The following HIPK3 variants were observed in gnomAD, a reference collection of about 807,000 sequenced individuals.
HIPK3 encodes the protein homeodomain interacting protein kinase 3, also known as homeodomain-interacting protein kinase 3.
HIPK3 carries 47 observed loss-of-function variants against 124.2 expected under a neutral mutation model. The observed-to-expected ratio is 0.38, with a 90% confidence interval of 0.30 to 0.48. The LOEUF (loss-of-function observed/expected upper bound fraction) is 0.48, where lower values mean the gene tolerates loss of function less well. Ranked by LOEUF, HIPK3 falls within the 20% of genes least tolerant of loss-of-function variation. HIPK3 has a pLI of 0.98. For missense variants in HIPK3, 1,286 were observed against 1,454.3 expected, an observed-to-expected ratio of 0.88 and a Z score of 1.88; for synonymous variants, 482 against 515.2, an observed-to-expected ratio of 0.94 and a Z score of 0.87.
chr11:33,342,285 C>T (rs1456054409), intron 8 of HIPK3, among the ~76,000 whole-genome samples: 1 of 152,012 alleles, frequency 6.6e-6, no homozygotes, highest in African/African-American at 2.4e-5. Context: ...ACTTGGGCTA[C>T]AGGTTGGCCT....
chr11:33,271,921 G>GA (rs949675670), intron 1 of HIPK3, among the ~76,000 whole-genome samples: 3 of 152,014 alleles, frequency 2.0e-5, no homozygotes, highest in Non-Finnish European at 4.4e-5. Context: ...CTAACATAAA[G>GA]AAAAAATCTG....
At chr11:33,264,951 A>T (rs966698149) in intron 1 of HIPK3, among the ~76,000 whole-genome samples, 9 of 152,218 alleles carry the variant, frequency 5.9e-5, no homozygotes, top group African/African-American at 2.2e-4. Context: ...AGAGTCTGGT[A>T]GGTTTGGTAA....
intron 2 of HIPK3, among the ~76,000 whole-genome samples, chr11:33,312,837 A>G (rs1281148273): frequency 9.9e-5 from 15 of 152,212 alleles, no homozygotes; most frequent in Non-Finnish European, 1.2e-4. Flanking sequence ...TATTGTCACA[A>G]TAATCTGGAA....
At chr11:33,345,643 CTA>C (rs1205831745) in intron 8 of HIPK3, among the ~76,000 whole-genome samples, 1 of 150,966 alleles carries the variant, frequency 6.6e-6, no homozygotes, top group Non-Finnish European at 1.5e-5. Flanking sequence ...AAGAGATTGT[CTA>C]TATATTGCAA....
At chr11:33,280,227 G>A (rs1412582860) in intron 1 of HIPK3, among the ~76,000 whole-genome samples, 1 of 152,076 alleles carries the variant, frequency 6.6e-6, no homozygotes, top group Non-Finnish European at 1.5e-5. Context: ...AATTGGCAGG[G>A]TCATGAATAA....
chr11:33,257,683 G>A lies in HIPK3; in HGVS notation c.-209G>A. 1 of 994,672 alleles carries A rather than the reference G, an allele frequency of 1.0e-6. No homozygotes were observed. The highest frequency in any genetic ancestry group is 1.2e-6 in the Non-Finnish European group (1 of 836,846). The allele number at this position is 994,672 out of a possible 1,614,324, so 61.6% of individuals were successfully genotyped here. On this transcript the variant is annotated 5_prime_UTR_variant, in exon 1 of 17. Coordinates refer to ENST00000303296, the MANE Select transcript of HIPK3 (RefSeq NM_005734.5). ...AGCAGCCAGAGCAGCAGCAGCAGCA[G>A]CAGCGGTCGGGGGAGGGTGTTTCGC...
At chr11:33,336,446 C>A (rs1358664713) in intron 3 of HIPK3, among the ~76,000 whole-genome samples, 1 of 152,130 alleles carries the variant, frequency 6.6e-6, no homozygotes, top group Non-Finnish European at 1.5e-5. Flanking sequence ...TGAATCCATT[C>A]CTTCCTCTCT....
intron 1 of HIPK3, among the ~76,000 whole-genome samples, chr11:33,268,685 CAG>C (rs1256211994): frequency 6.6e-6 from 1 of 150,794 alleles, no homozygotes; most frequent in African/African-American, 2.4e-5. Flanking sequence ...TAGCCTTGAA[CAG>C]AAAATTTTCG....
intron 3 of HIPK3, among the ~76,000 whole-genome samples, chr11:33,333,293 C>G (rs879757166): frequency 6.6e-6 from 1 of 152,168 alleles, no homozygotes; most frequent in Non-Finnish European, 1.5e-5. Flanking sequence ...TTCACTGGTA[C>G]TGGACCATCA....
chr11:33,282,152 GTCA>G (rs1851427862), intron 1 of HIPK3, among the ~76,000 whole-genome samples: 1 of 152,196 alleles, frequency 6.6e-6, no homozygotes, highest in African/African-American at 2.4e-5. Context: ...GGGAGGCCAA[GTCA>G]GGAGGAGGAT....
intron 14 of HIPK3, 130 bp from the exon 15 acceptor site, chr11:33,351,477 GA>G: frequency 7.7e-6 from 5 of 650,064 alleles, no homozygotes; most frequent in East Asian, 2.8e-5. Flanking sequence ...ATTGGACAAG[GA>G]AAAAGGTGTA....
At chr11:33,305,036 T>A (rs1337789185) in intron 2 of HIPK3, among the ~76,000 whole-genome samples, 1 of 152,258 alleles carries the variant, frequency 6.6e-6, no homozygotes, top group Non-Finnish European at 1.5e-5. Flanking sequence ...AGTCTTGCTC[T>A]GTCGCCCAGG....
chr11:33,324,644 GC>G (rs960071804), intron 2 of HIPK3, among the ~76,000 whole-genome samples: 1 of 152,124 alleles, frequency 6.6e-6, no homozygotes, highest in African/African-American at 2.4e-5. Context: ...CTTCCTTTGG[GC>G]CCCTTCCCAC....
At chr11:33,315,666 A>C (rs1852480370) in intron 2 of HIPK3, among the ~76,000 whole-genome samples, 1 of 152,082 alleles carries the variant, frequency 6.6e-6, no homozygotes, top group Non-Finnish European at 1.5e-5. Flanking sequence ...CCTGGCCCTG[A>C]CTCCTATTTT....
chr11:33,348,091 C>T (rs1380045886), intron 11 of HIPK3, 75 bp from the exon 12 acceptor site: 1 of 1,602,228 alleles, frequency 6.2e-7, no homozygotes, highest in Admixed American at 1.7e-5. Flanking sequence ...TAAAGGGTCA[C>T]TCTGTTGTAT....
rs555442988 is a variant in HIPK3 at position 33,294,651 on chromosome 11, CTGGAGTGCAA to C, written c.1097+7144_1097+7153del. On this transcript the variant is annotated intron_variant, in intron 2 of 16. Transcript: ENST00000303296. ...ACAAGGTCTTGCTTTGTGGCCCAGG[CTGGAGTGCAA>C]TGGTGCAGTCATAGCTCACTGCAGT... Among the ~76,000 whole-genome samples, 128 of 152,102 alleles carry C rather than the reference CTGGAGTGCAA, an allele frequency of 8.4e-4. 1 individual carries two copies. Among genetic ancestry groups the C allele is most frequent in the Non-Finnish European group, 1.7e-3 (113 of 68,004 alleles).
chr11:33,297,729 C>G (rs1394749922), intron 2 of HIPK3, among the ~76,000 whole-genome samples: 1 of 145,696 alleles, frequency 6.9e-6, no homozygotes, highest in East Asian at 2.1e-4. Context: ...CTAGGACTTT[C>G]ATAGCTAGAG....
chr11:33,336,996 A>C, intron 3 of HIPK3, 79 bp from the exon 4 acceptor site: 1 of 1,012,312 alleles, frequency 9.9e-7, no homozygotes, highest in Non-Finnish European at 1.5e-6. Flanking sequence ...TACCTGACCT[A>C]ACATATAGCC....
chr11:33,261,122 T>C (rs1408827614), intron 1 of HIPK3, among the ~76,000 whole-genome samples: 3 of 82,162 alleles, frequency 3.7e-5, no homozygotes, highest in Non-Finnish European at 5.9e-5. Context: ...ACATAAAATA[T>C]ATATTATATA....
Sources: allele counts gnomAD v4.1 joint callset (sites outside exome capture counted in the v4.1 genomes callset), GRCh38; gene constraint gnomAD v4.1.1; transcripts MANE v1.5; gene names NCBI Gene and HGNC (gene_info 2026-07-23, HGNC 2026-07-21).